The following SETD1B variants were observed in gnomAD, a reference collection of about 807,000 sequenced individuals.
SETD1B encodes the protein histone-lysine N-methyltransferase SETD1B.
In SETD1B, 7 loss-of-function variants were observed where a neutral mutation model predicts 148.0. The ratio of observed to expected loss-of-function variants is 0.05; its 90% CI spans 0.03 to 0.09. The LOEUF is 0.09. SETD1B is among the 10% of genes least tolerant of loss of function. The pLI, the probability that SETD1B is intolerant of heterozygous loss-of-function variation, is 1.00. For synonymous variants in SETD1B, 1,361 were observed against 1,186.5 expected, an observed-to-expected ratio of 1.15 and a Z score of -3.02; for missense variants, 2,155 against 2,729.9, an observed-to-expected ratio of 0.79 and a Z score of 4.69.
intron 6 of SETD1B, among the ~76,000 whole-genome samples, chr12:121,813,073 G>C (rs375730849): frequency 5.5e-4 from 83 of 152,150 alleles, no homozygotes; most frequent in African/African-American, 1.9e-3. Flanking sequence ...CTGGATCCCA[G>C]CTGCAGCCCC....
intron 7 of SETD1B, 72 bp from the exon 8 acceptor site, chr12:121,816,961 G>A: frequency 1.5e-6 from 2 of 1,372,904 alleles, no homozygotes; most frequent in Non-Finnish European, 1.9e-6. Context: ...AAGGCAGGTA[G>A]CCTGGGGAGG....
In SETD1B at chr12:121,810,178, G is replaced by T; in HGVS notation, c.1233G>T (p.Pro411=). The T allele has an allele frequency of 6.5e-7, 1 of 1,549,644 alleles. No individual in the cohort carries two copies. The highest frequency in any genetic ancestry group is 2.4e-5 in the East Asian group (1 of 40,882). The stretch of plus-strand genomic sequence containing the variant: ...CAGTGGCCCACTTCCCTCCACCCCC[G>T]GAAGAGCCCACCGCCACAGCCGCTT... ...QTPVAHFPPP[P]EEPTATAAFG... Residue 411 remains proline, a synonymous_variant, in exon 6 of 17, where the codon CCG becomes CCT. Coordinates refer to ENST00000604567, the MANE Select transcript of SETD1B (RefSeq NM_001353345.2). This position sits in a 1 kb window ranked among gnomAD's most constrained non-coding sequence, Gnocchi z 7.6.
upstream of SETD1B, chr12:121,800,071 C>T (rs1875252695): frequency 6.6e-6 from 1 of 152,124 alleles, no homozygotes; most frequent in Admixed American, 6.5e-5. Context: ...GACGCCGCCC[C>T]TCCCCCAGCG....
chr12:121,798,487 G>A, the SETD1B span, among the ~76,000 whole-genome samples: 4 of 152,282 alleles, frequency 2.6e-5, no homozygotes, highest in South Asian at 6.2e-4. Context: ...CTAAAAGCTT[G>A]GGAGGAGGGC....
At position 121,817,685 on chromosome 12, in the gene SETD1B, C is replaced by T. The variant is rs1018521960; in HGVS notation, c.3293C>T (p.Thr1098Ile). ...AGGAGCCAGCTCTCCTCCTCCTCAACCTCATCCACATCAGATAAGGTGCCT... is the reference window on the plus strand; with the variant it reads ...AGGAGCCAGCTCTCCTCCTCCTCAATCTCATCCACATCAGATAAGGTGCCT... The part of the protein sequence containing the change: ...VPRSQLSSSS[T>I]SSTSDKDDDD... The change falls in exon 9 of 17, where the codon ACC becomes ATC. Residue 1098 changes from threonine (T) to isoleucine (I), a missense_variant. By Grantham distance (89) the Thr-to-Ile change is moderately conservative. This residue lies in a region of SETD1B where 862 missense variants were observed against 873.8 expected (regional missense o/e 0.99). Transcript: ENST00000604567. The surrounding 1 kb of genome is among the most constrained non-coding windows in gnomAD (Gnocchi z 8.1). The T allele has an allele frequency of 6.5e-7, 1 of 1,549,300 alleles. No individual in the cohort carries two copies. The highest frequency in any genetic ancestry group is 1.7e-4 in the Middle Eastern group (1 of 5,982).
intron 4 of SETD1B, among the ~76,000 whole-genome samples, chr12:121,807,630 C>A (rs573387745): frequency 6.7e-4 from 102 of 152,174 alleles, no homozygotes; most frequent in Middle Eastern, 3.4e-3. Context: ...GGGCCCTGGT[C>A]TATAAAAGCC....
rs1592988665 is a variant in SETD1B, at chr12:121,823,216, G to C, written c.4637G>C (p.Gly1546Ala). ...CGACCACCAGCAGGGGCCGCCCTTG[G>C]AAGGGAACTCCTGCTCCTGCCGGGC... ...LVRPPAGAAL[G>A]RELLLLPGQP... Residue 1546 changes from glycine (G) to alanine (A), a missense_variant, in exon 12 of 17, where the codon GGA becomes GCA. Transcript: ENST00000604567. The C allele has an allele frequency of 6.5e-7, 1 of 1,549,428 alleles. No individual in the cohort carries two copies.
rs924808280 is a variant in SETD1B at position 121,804,086 on chromosome 12, G to GGCGGCA, written c.-153_-148dup. 19 of 153,472 alleles carry GGCGGCA rather than the reference G, an allele frequency of 1.2e-4. 1 individual carries two copies. The South Asian group carries it at 2.5e-3, about 20-fold the overall frequency. 9.5% of individuals were successfully genotyped at this position (153,472 alleles called of 1,614,324 possible). A position where few individuals can be genotyped will look rare whatever the true frequency, so the allele number is the denominator to read the frequency against. ...CCCGGGCAGCAGCAGCAGCAGCGGC[G>GGCGGCA]GCGGCAGCGGCAGCAGCTCCGGGCC... On this transcript the variant is annotated 5_prime_UTR_variant, in exon 1 of 17. Transcript: ENST00000604567. This position sits in a 1 kb window ranked among gnomAD's most constrained non-coding sequence, Gnocchi z 4.6.
chr12:121,810,260 C>T lies in SETD1B; in HGVS notation c.1315C>T (p.Pro439Ser). 6.5e-7 allele frequency: 1 copy of T among 1,545,466 alleles called. No individual in the cohort carries two copies. The highest frequency in any genetic ancestry group is 8.7e-7 in the Non-Finnish European group (1 of 1,146,772). ...GGCACCGGCGCCCCCACCCCTGCCA[C>T]CTGCTGAGCCTCTGGCCAAGGAGAA... ...RRAPAPPPLP[P>S]AEPLAKEKPG... The change falls in exon 6 of 17, where the codon CCT (proline) becomes TCT (serine). Residue 439 changes from proline to serine, a missense_variant. This residue lies in a region of SETD1B where 376 missense variants were observed against 385.0 expected (regional missense o/e 0.98). Transcript: ENST00000604567. This position sits in a 1 kb window ranked among gnomAD's most constrained non-coding sequence, Gnocchi z 7.6.
rs1877028053 is a variant in SETD1B at position 121,830,223 on chromosome 12, G to A, written c.5885G>A (p.Arg1962Gln). Reference sequence around the variant, plus strand: ...TGCCTCTGTGGCTCCGAGAACTGCCGGGGGACCCTCAACTAGGCCCCGGCA... The same window carrying A: ...TGCCTCTGTGGCTCCGAGAACTGCCAGGGGACCCTCAACTAGGCCCCGGCA... ...IPCLCGSENC[R>Q]GTLN The change falls in exon 17 of 17, where the codon CGG becomes CAG. Residue 1962 changes from arginine to glutamine, a missense_variant. Arg to Gln is a conservative substitution (Grantham distance 43). This residue lies in a region of SETD1B where 17 missense variants were observed against 47.8 expected (regional missense o/e 0.36). Coordinates refer to ENST00000604567, the MANE Select transcript of SETD1B (RefSeq NM_001353345.2). The surrounding 1 kb of genome is among the most constrained non-coding windows in gnomAD (Gnocchi z 5.7). 3 of 1,550,446 alleles carry A rather than the reference G, an allele frequency of 1.9e-6. No homozygotes were observed. Among genetic ancestry groups the A allele is most frequent in the Non-Finnish European group, 1.7e-6 (2 of 1,146,726 alleles).
In SETD1B at chr12:121,814,269, C is replaced by A; in HGVS notation, c.2054C>A (p.Pro685His). The change falls in exon 7 of 17, where the codon CCT becomes CAT. Residue 685 changes from proline (P) to histidine (H), a missense_variant. Pro to His is a moderately conservative substitution (Grantham distance 77). Around this residue, in one of 11 missense-constraint regions of SETD1B, gnomAD observed 295 missense variants for 303.8 expected, o/e 0.97. Coordinates refer to ENST00000604567, the MANE Select transcript of SETD1B (RefSeq NM_001353345.2). ...CCAACCCTGCCGCTGCCCCCGCCAC[C>A]TGGCTTCCCCCCGCTGCCCCCCCCA... is the stretch of plus-strand genomic sequence containing the variant. ...LAPTLPLPPP[P>H]GFPPLPPPPP... 1 of 1,458,970 alleles carries A rather than the reference C, an allele frequency of 6.9e-7. No individual in the cohort carries two copies. The highest frequency in any genetic ancestry group is 1.3e-5 in the South Asian group (1 of 78,976). The allele number at this position is 1,458,970 out of a possible 1,614,324, so 90.4% of individuals were successfully genotyped here. A position where few individuals can be genotyped will look rare whatever the true frequency, so the allele number is the denominator to read the frequency against.
At chr12:121,825,509 A>AGG in intron 13 of SETD1B, 143 bp downstream of exon 13, 1 of 324,326 alleles carries the variant, frequency 3.1e-6, no homozygotes, top group Non-Finnish European at 6.1e-6. Context: ...GGAAGGGGAG[A>AGG]GGCGGGTGGG....
At position 121,817,564 on chromosome 12, in the gene SETD1B, A is replaced by T. The variant is rs562261248; in HGVS notation, c.3172A>T (p.Thr1058Ser). The change falls in exon 9 of 17, where the codon ACC (threonine) becomes TCC (serine). Residue 1058 changes from threonine to serine, a missense_variant. Thr to Ser is a moderately conservative substitution (Grantham distance 58). Around this residue, in one of 11 missense-constraint regions of SETD1B, gnomAD observed 862 missense variants for 873.8 expected, o/e 0.99. Coordinates refer to ENST00000604567, the MANE Select transcript of SETD1B (RefSeq NM_001353345.2). This position sits in a 1 kb window ranked among gnomAD's most constrained non-coding sequence, Gnocchi z 8.1. ...GTCATCATCCTCGGGGTCCTCAACC[A>T]CCTCACCCTCGTCCTCGGCCTCCGA... The part of the protein sequence containing the change: ...SASSSSGSST[T>S]SPSSSASDKE... 1.3e-6 allele frequency: 2 copies of T among 1,551,122 alleles called. No individual in the cohort carries two copies. The highest frequency in any genetic ancestry group is 1.7e-6 in the Non-Finnish European group (2 of 1,146,694).
At chr12:121,811,507 T>A (rs913814415) in intron 6 of SETD1B, among the ~76,000 whole-genome samples, 2 of 152,172 alleles carry the variant, frequency 1.3e-5, no homozygotes, top group African/African-American at 4.8e-5. Context: ...CCTCAGGTCA[T>A]GGGGTCTCGT....
chr12:121,815,474 G>A (rs1876248352), intron 7 of SETD1B, among the ~76,000 whole-genome samples: 2 of 149,724 alleles, frequency 1.3e-5, no homozygotes, highest in South Asian at 2.1e-4. Context: ...CCCTCATGCC[G>A]CCTTTTACAC....
Position 121,830,023 on chromosome 12 carries a change from C to T in SETD1B, c.5728-43C>T. 1 of 1,529,714 alleles carries T rather than the reference C, an allele frequency of 6.5e-7. No individual in the cohort carries two copies. Among genetic ancestry groups the T allele is most frequent in the Non-Finnish European group, 8.8e-7 (1 of 1,133,364 alleles). 94.8% of individuals were successfully genotyped at this position (1,529,714 alleles called of 1,614,324 possible). A position where few individuals can be genotyped will look rare whatever the true frequency, so the allele number is the denominator to read the frequency against. On this transcript the variant is annotated intron_variant, in intron 16 of 16. Coordinates refer to ENST00000604567, the MANE Select transcript of SETD1B (RefSeq NM_001353345.2). The surrounding 1 kb of genome is among the most constrained non-coding windows in gnomAD (Gnocchi z 5.7). ...GGGGGGTCTGCAGTGGTGGGGGACC[C>T]TGGGGGACCAGGGGCTCATTCTCCC...
intron 6 of SETD1B, among the ~76,000 whole-genome samples, chr12:121,813,767 C>G (rs143080880): frequency 1.2e-4 from 19 of 152,282 alleles, no homozygotes; most frequent in Admixed American, 2.6e-4. Context: ...CCCTCATCAT[C>G]CTTTTGCCTT....
chr12:121,814,683 T>C lies in SETD1B; in HGVS notation c.2468T>C (p.Leu823Pro). The change falls in exon 7 of 17, where the codon CTG (leucine) becomes CCG (proline). Residue 823 changes from leucine (L) to proline (P), a missense_variant. By Grantham distance (98) the Leu-to-Pro change is moderately conservative (BLOSUM62 -3). Around this residue, in one of 11 missense-constraint regions of SETD1B, gnomAD observed 289 missense variants for 423.7 expected, o/e 0.68. Transcript: ENST00000604567. ...NLPPYRGPFSLSNSGPGRGQH... is the reference protein window; with the variant it reads ...NLPPYRGPFSPSNSGPGRGQH... ...CCGCCCTACCGGGGCCCCTTCTCCC[T>C]GAGCAACTCCGGCCCAGGCCGCGGG... is the stretch of plus-strand genomic sequence containing the variant. 1 of 1,550,232 alleles carries C rather than the reference T, an allele frequency of 6.5e-7. No homozygotes were observed. Among genetic ancestry groups the C allele is most frequent in the Non-Finnish European group, 8.7e-7 (1 of 1,146,866 alleles).
chr12:121,818,571 TAATA>T (rs940568288), intron 10 of SETD1B, among the ~76,000 whole-genome samples: 1 of 141,178 alleles, frequency 7.1e-6, no homozygotes, highest in Non-Finnish European at 1.5e-5. Context: ...TCAAAAAAAA[TAATA>T]AATAAAATTT....
Sources: allele counts gnomAD v4.1 joint callset (sites outside exome capture counted in the v4.1 genomes callset), GRCh38; gene constraint gnomAD v4.1.1; regional missense constraint gnomAD v4.1.1; non-coding constraint Gnocchi (gnomAD v3.1); transcripts MANE v1.5; gene names NCBI Gene and HGNC (gene_info 2026-07-23, HGNC 2026-07-21).